Variants in LAMA1 observed in about 807,000 individuals in gnomAD.
The protein encoded by LAMA1 is laminin subunit alpha-1.
Under a neutral mutation model 348.7 loss-of-function variants are expected in LAMA1, and 219 were observed. The observed-to-expected ratio is 0.63, with a 90% CI of 0.56 to 0.70. The LOEUF (loss-of-function observed/expected upper bound fraction) is 0.70. LAMA1 is among the 30% of genes least tolerant of loss of function. The pLI, the probability that LAMA1 is intolerant of heterozygous loss-of-function variation, is 0.00. For synonymous variants in LAMA1, 1,487 were observed against 1,491.0 expected, an observed-to-expected ratio of 1.00 and a Z score of 0.06; for missense variants, 3,744 against 3,888.0, an observed-to-expected ratio of 0.96 and a Z score of 0.99.
intron 1 of LAMA1, among the ~76,000 whole-genome samples, chr18:7,085,625 A>G (rs547263333): frequency 0.016 from 2,361 of 151,952 alleles, 36 homozygotes; most frequent in Non-Finnish European, 0.022. Flanking sequence ...TCACCACGTT[A>G]GCCAGGATGG....
intron 3 of LAMA1, among the ~76,000 whole-genome samples, chr18:7,070,569 A>G (rs964411284): frequency 4.6e-5 from 7 of 152,206 alleles, no homozygotes; most frequent in Admixed American, 2.0e-4. Flanking sequence ...AACAACTGAC[A>G]TCTGAATTAA....
intron 62 of LAMA1, among the ~76,000 whole-genome samples, chr18:6,942,609 T>C (rs1037542831): frequency 1.3e-5 from 2 of 151,850 alleles, no homozygotes; most frequent in Admixed American, 6.6e-5. Flanking sequence ...AGAGAGGGTT[T>C]CACCATGTTG....
intron 3 of LAMA1, among the ~76,000 whole-genome samples, chr18:7,074,387 T>C (rs761506336): frequency 3.3e-5 from 5 of 152,234 alleles, no homozygotes; most frequent in Non-Finnish European, 7.3e-5. Flanking sequence ...CAGGAAATCT[T>C]CATGTTCTTC....
rs1339866137 is a variant in LAMA1 at position 7,040,128 on chromosome 18, T to C, written c.1370A>G (p.Asn457Ser). Residue 457 changes from asparagine to serine, a missense_variant, in exon 10 of 63, where the codon AAC becomes AGC. Transcript: ENST00000389658. ...CTCATCACTGGCACTGCCCACTGGG[T>C]TGCACCCACAGGAGACACAGGTCGG... ...DYPTCVSCGCNPVGSASDEPC... is the reference protein window; with the variant it reads ...DYPTCVSCGCSPVGSASDEPC... 1 of 1,614,088 alleles carries C rather than the reference T, an allele frequency of 6.2e-7. No individual in the cohort carries two copies. Among genetic ancestry groups the C allele is most frequent in the South Asian group, 1.1e-5 (1 of 91,072 alleles).
At position 6,999,571 on chromosome 18, in the gene LAMA1, G is replaced by T; in HGVS notation, c.4537C>A (p.Pro1513Thr). 1 of 1,614,014 alleles carries T rather than the reference G, an allele frequency of 6.2e-7. No individual in the cohort carries two copies. The highest frequency in any genetic ancestry group is 8.5e-7 in the Non-Finnish European group (1 of 1,179,974). Reference protein sequence around the residue: ...GGSCQKCDCNPHGSVHGDCDR... With the variant: ...GGSCQKCDCNTHGSVHGDCDR... Reference sequence around the variant, plus strand: ...CAGTCACCGTGGACAGAGCCGTGCGGGTTGCAGTCACACTTCTGGCAACTG... The same window carrying T: ...CAGTCACCGTGGACAGAGCCGTGCGTGTTGCAGTCACACTTCTGGCAACTG... The change falls in exon 32 of 63, where the codon CCG becomes ACG. Residue 1513 changes from proline to threonine, a missense_variant. Around this residue, in one of 3 missense-constraint regions of LAMA1, gnomAD observed 1,983 missense variants for 1,934.3 expected, o/e 1.03. Transcript: ENST00000389658.
intron 1 of LAMA1, among the ~76,000 whole-genome samples, chr18:7,099,753 T>C (rs1764860523): frequency 1.3e-5 from 2 of 151,438 alleles, no homozygotes; most frequent in South Asian, 2.1e-4. Context: ...AACATACCAT[T>C]AAGAAAACAA....
intron 6 of LAMA1, among the ~76,000 whole-genome samples, chr18:7,045,800 C>A (rs1385179911): frequency 6.6e-6 from 1 of 152,080 alleles, no homozygotes; most frequent in Admixed American, 6.6e-5. Flanking sequence ...CTCAAGTGAT[C>A]CACCCGCCTC....
intron 3 of LAMA1, among the ~76,000 whole-genome samples, chr18:7,078,229 T>C (rs1464998732): frequency 6.0e-5 from 9 of 150,194 alleles, no homozygotes; most frequent in South Asian, 2.1e-4. Context: ...TGCAGTGGTG[T>C]GATCTCGGCT....
chr18:6,958,693 AG>A, intron 54 of LAMA1, 31 bp from the exon 55 acceptor site: 1 of 1,542,582 alleles, frequency 6.5e-7, no homozygotes, highest in Non-Finnish European at 9.0e-7. Flanking sequence ...ATAAATGAAA[AG>A]CTTTAAACAT....
chr18:7,038,933 C>T lies in LAMA1; in HGVS notation c.1440G>A (p.Lys480=). The stretch of plus-strand genomic sequence containing the variant: ...ATCCTGGCTTGCAGCGATCACAGGC[C>T]TTCCCCTCAACGTTTTCCTGTAAGT... ...PCVCKENVEG[K]ACDRCKPGFY... The change falls in exon 11 of 63, where the codon AAG becomes AAA. Residue 480 remains lysine (K), a synonymous_variant. Coordinates refer to ENST00000389658, the MANE Select transcript of LAMA1 (RefSeq NM_005559.4). 1 of 1,613,770 alleles carries T rather than the reference C, an allele frequency of 6.2e-7. No individual in the cohort carries two copies. Among genetic ancestry groups the T allele is most frequent in the Non-Finnish European group, 8.5e-7 (1 of 1,179,692 alleles).
At chr18:7,113,659 G>C (rs1193378147) in intron 1 of LAMA1, among the ~76,000 whole-genome samples, 3 of 152,190 alleles carry the variant, frequency 2.0e-5, no homozygotes, top group Non-Finnish European at 2.9e-5. Context: ...TGATGGCACT[G>C]CTGAGGAGGG....
At chr18:7,108,640 C>CAAAAAAAAAAAAAAAAAAAAAAA (rs58802341) in intron 1 of LAMA1, among the ~76,000 whole-genome samples, 3 of 40,238 alleles carry the variant, frequency 7.5e-5, no homozygotes, top group Non-Finnish European at 8.4e-5. Flanking sequence ...GACTCTGTCT[C>CAAAAAAAAAAAAAAAAAAAAAAA]AAAAAAAAAA....
intron 6 of LAMA1, 40 bp downstream of exon 6, chr18:7,046,238 G>T: frequency 1.6e-6 from 2 of 1,273,122 alleles, no homozygotes; most frequent in Non-Finnish European, 2.3e-6. Flanking sequence ...TACAATTTCT[G>T]TTTTGAAGTT....
At chr18:6,954,459 C>T (rs112214200) in intron 57 of LAMA1, 5,224 of 152,484 alleles carry the variant, frequency 0.034, 308 homozygotes, top group African/African-American at 0.12. Context: ...GGTCTCCATG[C>T]AGCTGAGAAA....
At chr18:7,018,313 G>A (rs2057898366) in intron 19 of LAMA1, among the ~76,000 whole-genome samples, 1 of 109,328 alleles carries the variant, frequency 9.1e-6, no homozygotes, top group African/African-American at 4.0e-5. Flanking sequence ...TCTAGCCTGA[G>A]CGACAAGTGT....
intron 53 of LAMA1, chr18:6,960,145 T>C (rs1267253582): frequency 6.3e-6 from 1 of 159,216 alleles, no homozygotes; most frequent in Non-Finnish European, 1.4e-5. Flanking sequence ...AGAATTATCA[T>C]ATAACCAGTG....
Position 6,964,770 on chromosome 18 carries a change from C to G in LAMA1, c.7229G>C (p.Ser2410Thr), listed in dbSNP as rs1208557200. The G allele has an allele frequency of 6.2e-7, 1 of 1,614,114 alleles. No individual in the cohort carries two copies. The highest frequency in any genetic ancestry group is 8.5e-7 in the Non-Finnish European group (1 of 1,180,040). ...CTCGCCCTGCTTGGTTTCTTTATTA[C>G]TGGTGTTATAGGCATCGATAACTGC... ...VLAVIDAYNT[S>T]NKETKQGETP... The change falls in exon 51 of 63, where the codon AGT (serine) becomes ACT (threonine). Residue 2410 changes from serine (S) to threonine (T), a missense_variant. Physicochemically the swap from Ser to Thr is moderately conservative, Grantham distance 58. Transcript: ENST00000389658.
intron 1 of LAMA1, among the ~76,000 whole-genome samples, chr18:7,098,103 A>G (rs28438618): frequency 0.51 from 74,100 of 144,884 alleles, 19,848 homozygotes; most frequent in East Asian, 0.59. Context: ...CGCCAGCCTC[A>G]GCCTCCCGAG....
intron 1 of LAMA1, among the ~76,000 whole-genome samples, chr18:7,114,982 T>C (rs1286045666): frequency 1.3e-5 from 2 of 152,208 alleles, no homozygotes; most frequent in Non-Finnish European, 2.9e-5. Context: ...ACTACAGATG[T>C]AGGCTTCATA....
Sources: gnomAD v4.1 joint callset for allele counts (sites outside exome capture counted in the v4.1 genomes callset) on GRCh38, gnomAD v4.1.1 for gene constraint, gnomAD v4.1.1 regional missense constraint, MANE v1.5 for transcripts, NCBI Gene and HGNC (gene_info 2026-07-23, HGNC 2026-07-21) for gene names.